Variants in RABGAP1L observed in about 807,000 individuals in gnomAD.
RABGAP1L encodes RAB GTPase activating protein 1 like, also known as rab GTPase-activating protein 1-like.
Under a neutral mutation model 137.7 loss-of-function variants are expected in RABGAP1L, and 63 were observed. The ratio of observed to expected loss-of-function variants is 0.46; its 90% CI spans 0.37 to 0.56. RABGAP1L has a LOEUF of 0.56. Among genes scored for constraint, RABGAP1L ranks in the 20% least tolerant of loss-of-function variants. RABGAP1L has a pLI of 0.00. For synonymous variants in RABGAP1L, 431 were observed against 433.7 expected (o/e 0.99, Z 0.08); for missense variants, 1,095 against 1,244.0 (o/e 0.88, Z 1.80).
chr1:174,819,187 T>TAAAAAAAAAAAAAA lies in RABGAP1L; in HGVS notation c.2340+7240_2340+7253dup, dbSNP rs71299431. 8.9e-4 allele frequency among the ~76,000 whole-genome samples: 40 copies of TAAAAAAAAAAAAAA among 44,872 alleles called. 2 individuals are homozygous for TAAAAAAAAAAAAAA. Among genetic ancestry groups the TAAAAAAAAAAAAAA allele is most frequent in the Non-Finnish European group, 1.4e-3 (34 of 24,352 alleles). 29.4% of individuals were successfully genotyped at this position (44,872 alleles called of 152,430 possible). A position where few individuals can be genotyped will look rare whatever the true frequency, so the allele number is the denominator to read the frequency against. On this transcript the variant is annotated intron_variant, in intron 19 of 25. Transcript: ENST00000681986. ...GACAGAGCAAGACTCTGCCTGTCTC[T>TAAAAAAAAAAAAAA]AAAAAAAAAAAAAAAAAAAAAAAAA...
intron 13 of RABGAP1L, among the ~76,000 whole-genome samples, chr1:174,414,322 C>G (rs1650293636): frequency 6.6e-6 from 1 of 152,024 alleles, no homozygotes; most frequent in African/African-American, 2.4e-5. Context: ...AGCTGTAGTT[C>G]TGAAAAGTGA....
Position 174,227,094 on chromosome 1 carries a change from T to C in RABGAP1L, c.332-4051T>C, listed in dbSNP as rs1670244738. On this transcript the variant is annotated intron_variant, in intron 3 of 25. Coordinates refer to ENST00000681986, the MANE Select transcript of RABGAP1L (RefSeq NM_001366446.1). ...TCAAAAAATCTGTGGAAGGTTTTTT[T>C]CTCACTTGTATAAATACTTGCATAA... Among the ~76,000 whole-genome samples the C allele has an allele frequency of 2.0e-5, 3 of 152,304 alleles. No homozygotes were observed. In the South Asian group the frequency reaches 6.2e-4, roughly 32 times the overall value.
chr1:174,844,628 C>G (rs1693854319), intron 19 of RABGAP1L, among the ~76,000 whole-genome samples: 1 of 137,942 alleles, frequency 7.2e-6, no homozygotes, highest in Non-Finnish European at 1.6e-5. Context: ...GTTACTGTAG[C>G]CTTGAAGTAT....
chr1:174,257,746 A>T (rs1365981206), intron 7 of RABGAP1L, among the ~76,000 whole-genome samples: 1 of 152,244 alleles, frequency 6.6e-6, no homozygotes. Context: ...ACATTTGTAC[A>T]CATTAGGACA....
intron 19 of RABGAP1L, among the ~76,000 whole-genome samples, chr1:174,898,604 C>CT (rs1657623282): frequency 6.6e-6 from 1 of 152,108 alleles, no homozygotes; most frequent in Non-Finnish European, 1.5e-5. Flanking sequence ...TATTTACTTT[C>CT]TTTTAACTAT....
intron 11 of RABGAP1L, among the ~76,000 whole-genome samples, chr1:174,351,002 G>A (rs1683123097): frequency 7.6e-6 from 1 of 130,772 alleles, no homozygotes; most frequent in African/African-American, 2.9e-5. Flanking sequence ...ATCAGGCAGG[G>A]AGGTTGCAGT....
chr1:174,431,665 G>A (rs1470750137), intron 13 of RABGAP1L, among the ~76,000 whole-genome samples: 1 of 152,164 alleles, frequency 6.6e-6, no homozygotes, highest in African/African-American at 2.4e-5. Context: ...TGTTTGCTAT[G>A]CACATAGATT....
intron 11 of RABGAP1L, among the ~76,000 whole-genome samples, chr1:174,348,319 CA>C: frequency 7.2e-6 from 1 of 138,864 alleles, no homozygotes; most frequent in Admixed American, 7.0e-5. Flanking sequence ...CTTTCAATAG[CA>C]AAAACTGTGA....
intron 18 of RABGAP1L, among the ~76,000 whole-genome samples, chr1:174,767,075 C>T (rs1015275906): frequency 1.3e-5 from 2 of 152,140 alleles, no homozygotes; most frequent in Admixed American, 6.5e-5. Context: ...CCCACTTCCC[C>T]GTTGTTTCAC....
chr1:174,531,076 T>C (rs562752897), intron 13 of RABGAP1L, among the ~76,000 whole-genome samples: 96 of 152,194 alleles, frequency 6.3e-4, no homozygotes, highest in Non-Finnish European at 1.0e-3. Flanking sequence ...TACACAGTTA[T>C]TGAGTGAAAG....
intron 10 of RABGAP1L, among the ~76,000 whole-genome samples, chr1:174,291,268 A>ATT (rs79457080): frequency 0.29 from 44,280 of 151,190 alleles, 7,226 homozygotes; most frequent in African/African-American, 0.43. Context: ...AATTACATTG[A>ATT]TTTTTTTTAA....
At chr1:174,387,529 A>C (rs1686892854) in intron 12 of RABGAP1L, among the ~76,000 whole-genome samples, 1 of 148,806 alleles carries the variant, frequency 6.7e-6, no homozygotes, top group Non-Finnish European at 1.5e-5. Flanking sequence ...TTAAGCTGAG[A>C]CTCCCATTGG....
chr1:174,610,906 G>A (rs570084522), intron 13 of RABGAP1L, among the ~76,000 whole-genome samples: 1 of 152,022 alleles, frequency 6.6e-6, no homozygotes, highest in South Asian at 2.1e-4. Flanking sequence ...GGGGTTGTTT[G>A]TTTTTTTCTT....
intron 13 of RABGAP1L, among the ~76,000 whole-genome samples, chr1:174,495,743 C>G (rs765852053): frequency 6.6e-6 from 1 of 152,160 alleles, no homozygotes; most frequent in African/African-American, 2.4e-5. Flanking sequence ...GTAATCATAT[C>G]TTACTGGTAG....
intron 19 of RABGAP1L, among the ~76,000 whole-genome samples, chr1:174,880,744 A>T (rs1021801550): frequency 7.3e-5 from 11 of 151,660 alleles, no homozygotes; most frequent in Admixed American, 6.6e-4. Context: ...AGTGCACATC[A>T]CTGCCCCCGG....
intron 15 of RABGAP1L, among the ~76,000 whole-genome samples, chr1:174,690,563 A>G (rs968879220): frequency 2.0e-5 from 3 of 152,176 alleles, no homozygotes; most frequent in Admixed American, 6.5e-5. Context: ...TTGCTTTTAC[A>G]TTAATAATTA....
chr1:174,503,106 G>A (rs1661478311), intron 13 of RABGAP1L, among the ~76,000 whole-genome samples: 1 of 152,170 alleles, frequency 6.6e-6, no homozygotes, highest in Admixed American at 6.5e-5. Flanking sequence ...ATGTTGCGAA[G>A]TCAGTAGATA....
chr1:174,714,575 T>C (rs1232398809), intron 17 of RABGAP1L, among the ~76,000 whole-genome samples: 1 of 152,220 alleles, frequency 6.6e-6, no homozygotes, highest in African/African-American at 2.4e-5. Flanking sequence ...TCTTGAGTTT[T>C]AAGAGGAAAA....
chr1:174,639,863 C>T (rs1259532514), intron 14 of RABGAP1L, among the ~76,000 whole-genome samples: 1 of 152,140 alleles, frequency 6.6e-6, no homozygotes, highest in Non-Finnish European at 1.5e-5. Context: ...TGAAAATACT[C>T]ATCAGTACAT....
Sources: allele counts gnomAD v4.1 joint callset (sites outside exome capture counted in the v4.1 genomes callset), GRCh38; gene constraint gnomAD v4.1.1; transcripts MANE v1.5; gene names NCBI Gene and HGNC (gene_info 2026-07-23, HGNC 2026-07-21).